NAV2: variants seen among roughly 807,000 people sequenced by gnomAD.
The protein encoded by NAV2 is helicase, APC down-regulated 1.
In NAV2, 54 loss-of-function variants were observed where a neutral mutation model predicts 223.2. That is an observed-to-expected ratio of 0.24 (90% CI 0.19 to 0.30). The LOEUF is 0.30. NAV2 is among the 10% of genes least tolerant of loss of function. NAV2 has a pLI of 1.00. For missense variants in NAV2, 2,806 were observed against 3,147.5 expected, an observed-to-expected ratio of 0.89 and a Z score of 2.60; for synonymous variants, 1,279 against 1,239.3, an observed-to-expected ratio of 1.03 and a Z score of -0.67.
intron 16 of NAV2, among the ~76,000 whole-genome samples, chr11:20,050,193 C>T (rs928488921): frequency 7.9e-5 from 12 of 152,150 alleles, no homozygotes; most frequent in African/African-American, 2.9e-4. Context: ...CTCTTGTGGC[C>T]TCCTGTGGCA....
chr11:19,371,261 C>T (rs372004433), intron 1 of NAV2, among the ~76,000 whole-genome samples: 22 of 152,164 alleles, frequency 1.4e-4, no homozygotes, highest in East Asian at 3.9e-4. Context: ...TTTTTTTCCA[C>T]GGGGCAATGC....
At chr11:19,721,093 T>G (rs191323591) in intron 1 of NAV2, among the ~76,000 whole-genome samples, 85 of 152,356 alleles carry the variant, frequency 5.6e-4, no homozygotes, top group African/African-American at 1.9e-3. Flanking sequence ...CCCAAATATT[T>G]GAACGCTTAT....
intron 1 of NAV2, among the ~76,000 whole-genome samples, chr11:19,516,214 A>T (rs2043442043): frequency 6.6e-6 from 1 of 152,230 alleles, no homozygotes; most frequent in South Asian, 2.1e-4. Flanking sequence ...CTTCTACCAC[A>T]TGATGGGGAT....
At chr11:19,604,586 G>A (rs1489038196) in intron 1 of NAV2, among the ~76,000 whole-genome samples, 1 of 152,100 alleles carries the variant, frequency 6.6e-6, no homozygotes, top group Non-Finnish European at 1.5e-5. Flanking sequence ...TTTGTGCCAG[G>A]CAATGCTCTA....
intron 3 of NAV2, among the ~76,000 whole-genome samples, chr11:19,859,879 C>G (rs1269400477): frequency 5.3e-5 from 7 of 132,446 alleles, no homozygotes; most frequent in Admixed American, 7.4e-5. Flanking sequence ...CTGACCCCCC[C>G]ACCTCCCTCC....
intron 1 of NAV2, among the ~76,000 whole-genome samples, chr11:19,378,618 G>C (rs552164928): frequency 2.0e-5 from 3 of 151,988 alleles, no homozygotes; most frequent in Non-Finnish European, 4.4e-5. Context: ...GGCTGGGTGG[G>C]GGTGGGGTAG....
At chr11:20,024,410 G>A (rs576366176) in intron 11 of NAV2, among the ~76,000 whole-genome samples, 25 of 152,296 alleles carry the variant, frequency 1.6e-4, no homozygotes, top group African/African-American at 5.8e-4. Flanking sequence ...TGACCTTGGA[G>A]CTGGCCTTGG....
intron 24 of NAV2, among the ~76,000 whole-genome samples, chr11:20,079,213 G>A (rs770723932): frequency 2.5e-4 from 38 of 152,100 alleles, no homozygotes; most frequent in Admixed American, 5.9e-4. Flanking sequence ...GCTGGTTTTT[G>A]TATTTTTAGT....
rs768015869 is a variant in NAV2, at chr11:20,044,941, G to A, written c.3200-27G>A. The A allele has an allele frequency of 6.4e-5, 101 of 1,569,932 alleles. No homozygotes were observed. In the East Asian group the frequency reaches 2.2e-3, roughly 33 times the overall value. On this transcript the variant is annotated intron_variant, in intron 13 of 37. Coordinates refer to ENST00000349880, the MANE Select transcript of NAV2 (RefSeq NM_145117.5). ...TGGATGAGCTGGCTCTTGGCTTGCAGGCTAATCTTGCTGATCTCTCTCTTA... is the reference window on the plus strand; with the variant it reads ...TGGATGAGCTGGCTCTTGGCTTGCAAGCTAATCTTGCTGATCTCTCTCTTA...
chr11:20,008,560 G>T (rs764124071), intron 11 of NAV2, among the ~76,000 whole-genome samples: 8 of 152,144 alleles, frequency 5.3e-5, no homozygotes, highest in Non-Finnish European at 7.3e-5. Context: ...TGACCCTTAG[G>T]ATAGAGGCTC....
chr11:20,038,154 G>A (rs189725250), intron 12 of NAV2, among the ~76,000 whole-genome samples: 3 of 152,242 alleles, frequency 2.0e-5, no homozygotes, highest in East Asian at 1.9e-4. Context: ...TAAACAACTC[G>A]GATTTGTACA....
intron 1 of NAV2, among the ~76,000 whole-genome samples, chr11:19,700,422 G>A (rs1461729013): frequency 6.6e-6 from 1 of 152,162 alleles, no homozygotes; most frequent in Non-Finnish European, 1.5e-5. Context: ...AATCCAGGAG[G>A]TGGGCCTTAT....
intron 6 of NAV2, among the ~76,000 whole-genome samples, chr11:19,932,464 A>T (rs1419103532): frequency 6.6e-6 from 1 of 152,066 alleles, no homozygotes; most frequent in African/African-American, 2.4e-5. Flanking sequence ...GATTACAGGC[A>T]TGTGCCACCA....
At chr11:20,016,852 A>T (rs1341322084) in intron 11 of NAV2, among the ~76,000 whole-genome samples, 1 of 83,698 alleles carries the variant, frequency 1.2e-5, no homozygotes, top group Non-Finnish European at 2.6e-5. Flanking sequence ...AAAAAAAAAA[A>T]AAAATTAGCC....
intron 1 of NAV2, among the ~76,000 whole-genome samples, chr11:19,438,895 A>T (rs76621753): frequency 6.7e-6 from 1 of 149,010 alleles, no homozygotes; most frequent in East Asian, 2.0e-4. Context: ...AAGTTTAGAG[A>T]TTTTTTTTTT....
At chr11:19,913,484 A>G (rs2043496133) in intron 6 of NAV2, among the ~76,000 whole-genome samples, 1 of 152,206 alleles carries the variant, frequency 6.6e-6, no homozygotes, top group Admixed American at 6.5e-5. Context: ...GCTCACACCA[A>G]TCCCTGGCAG....
chr11:19,698,095 AC>A (rs1415546235), intron 1 of NAV2, among the ~76,000 whole-genome samples: 4 of 152,084 alleles, frequency 2.6e-5, no homozygotes, highest in Admixed American at 6.5e-5. Flanking sequence ...GGAGCTGCAA[AC>A]CCACTTCCCT....
At chr11:19,532,320 G>A (rs923812741) in intron 1 of NAV2, among the ~76,000 whole-genome samples, 16 of 152,260 alleles carry the variant, frequency 1.1e-4, no homozygotes, top group Admixed American at 3.9e-4. Flanking sequence ...TTTTCAGCTC[G>A]CCTGGTTCAC....
intron 12 of NAV2, among the ~76,000 whole-genome samples, chr11:20,038,364 A>G (rs2056596953): frequency 6.6e-6 from 1 of 152,230 alleles, no homozygotes; most frequent in Non-Finnish European, 1.5e-5. Flanking sequence ...TGAGTTTAAA[A>G]TGTTGAAATG....
Sources: allele counts gnomAD v4.1 joint callset (sites outside exome capture counted in the v4.1 genomes callset), GRCh38; gene constraint gnomAD v4.1.1; transcripts MANE v1.5; gene names NCBI Gene and HGNC (gene_info 2026-07-23, HGNC 2026-07-21).